CLEC2A: variants seen among roughly 807,000 people sequenced by gnomAD.
CLEC2A encodes C-type lectin domain family 2 member A, also known as keratinocyte-associated C-type lectin.
Under a neutral mutation model 18.6 loss-of-function variants are expected in CLEC2A, and 19 were observed. The ratio of observed to expected loss-of-function variants is 1.02; its 90% confidence interval spans 0.71 to 1.50. CLEC2A has a LOEUF of 1.50. Ranked by LOEUF, CLEC2A falls within the 40% of genes most tolerant of loss-of-function variation. CLEC2A has a pLI of 0.00. For synonymous variants in CLEC2A, 74 were observed against 64.0 expected (o/e 1.16, Z -0.75); for missense variants, 190 against 207.9 (o/e 0.91, Z 0.53).
At chr12:9,894,495 T>C (rs537762260), downstream of CLEC2A, among the ~76,000 whole-genome samples, 2 of 152,300 alleles carry the variant, frequency 1.3e-5, no homozygotes, top group African/African-American at 4.8e-5. Flanking sequence ...TACCTGCTTC[T>C]TTATCTGTAT....
chr12:9,904,543 G>A (rs1862879822), intron 4 of CLEC2A, among the ~76,000 whole-genome samples: 1 of 152,152 alleles, frequency 6.6e-6, no homozygotes, highest in Non-Finnish European at 1.5e-5. Flanking sequence ...GATGGGAGGA[G>A]AGCGCTGAGC....
At chr12:9,901,024 T>C (rs1338550320) in intron 4 of CLEC2A, among the ~76,000 whole-genome samples, 2 of 152,194 alleles carry the variant, frequency 1.3e-5, no homozygotes, top group African/African-American at 4.8e-5. Context: ...TACAGGAGTA[T>C]ACACCTTATT....
the CLEC2A span, among the ~76,000 whole-genome samples, chr12:9,887,674 T>C: frequency 6.6e-6 from 1 of 151,350 alleles, no homozygotes; most frequent in Non-Finnish European, 1.5e-5. Flanking sequence ...AAACAAACTA[T>C]AAATAATGCA....
At chr12:9,914,385 A>G (rs931058323) in intron 4 of CLEC2A, among the ~76,000 whole-genome samples, 2 of 152,184 alleles carry the variant, frequency 1.3e-5, no homozygotes, top group Non-Finnish European at 2.9e-5. Context: ...TATGAAACCA[A>G]AAAAGAGCCC....
chr12:9,883,494 G>A, the CLEC2A span, among the ~76,000 whole-genome samples: 1 of 152,080 alleles, frequency 6.6e-6, no homozygotes, highest in East Asian at 1.9e-4. Flanking sequence ...TTGGTCTATT[G>A]TTCAGTTTTT....
chr12:9,900,988 A>G (rs1261849253), intron 4 of CLEC2A, among the ~76,000 whole-genome samples: 2 of 152,152 alleles, frequency 1.3e-5, no homozygotes, highest in African/African-American at 2.4e-5. Context: ...GGCAGAGAGA[A>G]AAAAAAACAT....
At chr12:9,913,968 ATTCT>A (rs1863028603) in intron 4 of CLEC2A, among the ~76,000 whole-genome samples, 2 of 152,102 alleles carry the variant, frequency 1.3e-5, no homozygotes, top group African/African-American at 4.8e-5. Context: ...CTTTCCTTCC[ATTCT>A]TCCTTCCTTC....
At chr12:9,889,358 A>T in the CLEC2A span, among the ~76,000 whole-genome samples, 2 of 152,036 alleles carry the variant, frequency 1.3e-5, no homozygotes, top group Non-Finnish European at 2.9e-5. Context: ...GTCACTGGGA[A>T]GATATTTTTT....
At chr12:9,926,589 A>G (rs1863276227) in intron 1 of CLEC2A, among the ~76,000 whole-genome samples, 1 of 152,144 alleles carries the variant, frequency 6.6e-6, no homozygotes, top group Non-Finnish European at 1.5e-5. Context: ...TGGGGGAATG[A>G]GGAAGGAAAG....
At chr12:9,898,512 G>A (rs1287221178), downstream of CLEC2A, among the ~76,000 whole-genome samples, 2 of 152,240 alleles carry the variant, frequency 1.3e-5, no homozygotes, top group Middle Eastern at 3.4e-3. Flanking sequence ...GCACCCAATT[G>A]CCTTCTTTCC....
chr12:9,879,529 A>T, the CLEC2A span, among the ~76,000 whole-genome samples: 3 of 152,386 alleles, frequency 2.0e-5, no homozygotes, highest in Admixed American at 1.3e-4. Context: ...ATTTACAAAC[A>T]GAAATAACAA....
At chr12:9,931,116 C>T (rs1187332119) in intron 1 of CLEC2A, among the ~76,000 whole-genome samples, 1 of 152,106 alleles carries the variant, frequency 6.6e-6, no homozygotes, top group Non-Finnish European at 1.5e-5. Flanking sequence ...GTACATGCTT[C>T]ACAGTACTTC....
At chr12:9,921,981 G>T in intron 3 of CLEC2A, 85 bp downstream of exon 3, 3 of 1,119,262 alleles carry the variant, frequency 2.7e-6, no homozygotes, top group Non-Finnish European at 3.8e-6. Flanking sequence ...AGGATCAATT[G>T]TATTATAGTA....
At chr12:9,890,719 G>A in the CLEC2A span, among the ~76,000 whole-genome samples, 1 of 152,128 alleles carries the variant, frequency 6.6e-6, no homozygotes, top group African/African-American at 2.4e-5. Flanking sequence ...CTCTTCTTTT[G>A]TTTTCAAAAT....
At chr12:9,892,663 C>T in the CLEC2A span, among the ~76,000 whole-genome samples, 1 of 149,928 alleles carries the variant, frequency 6.7e-6, no homozygotes, top group Non-Finnish European at 1.5e-5. Context: ...CGGCTCACCG[C>T]AACCTCCACC....
the CLEC2A span, among the ~76,000 whole-genome samples, chr12:9,883,976 A>G: frequency 6.6e-6 from 1 of 152,162 alleles, no homozygotes; most frequent in Admixed American, 6.5e-5. Flanking sequence ...AATAGGGAAT[A>G]ATTATCAGAG....
intron 3 of CLEC2A, among the ~76,000 whole-genome samples, chr12:9,917,684 C>G (rs1013935151): frequency 2.6e-5 from 4 of 152,194 alleles, no homozygotes; most frequent in African/African-American, 9.6e-5. Context: ...AATTGCCACA[C>G]TGCTTTCCAC....
At chr12:9,907,411 C>T (rs1213172721) in intron 4 of CLEC2A, among the ~76,000 whole-genome samples, 1 of 152,174 alleles carries the variant, frequency 6.6e-6, no homozygotes, top group Non-Finnish European at 1.5e-5. Context: ...GCAGCAATAT[C>T]CAACTAATCC....
At chr12:9,903,899 T>A (rs1862870349) in intron 4 of CLEC2A, among the ~76,000 whole-genome samples, 1 of 152,182 alleles carries the variant, frequency 6.6e-6, no homozygotes, top group African/African-American at 2.4e-5. Context: ...GGACATCTCT[T>A]GTTTTATGAT....
Sources: allele counts gnomAD v4.1 joint callset (sites outside exome capture counted in the v4.1 genomes callset), GRCh38; gene constraint gnomAD v4.1.1; transcripts MANE v1.5; gene names NCBI Gene and HGNC (gene_info 2026-07-23, HGNC 2026-07-21).